TP53BP1: variants seen among roughly 807,000 people sequenced by gnomAD.
TP53BP1 encodes tumor protein p53 binding protein 1.
TP53BP1 carries 61 observed loss-of-function variants against 200.8 expected under a neutral mutation model. The observed-to-expected ratio is 0.30, with a 90% CI of 0.25 to 0.38. TP53BP1 has a LOEUF of 0.38. Ranked by LOEUF, TP53BP1 falls within the 10% of genes least tolerant of loss-of-function variation. TP53BP1 has a pLI of 1.00. For synonymous variants in TP53BP1, 822 were observed against 844.3 expected (o/e 0.97, Z 0.46); for missense variants, 2,144 against 2,371.9 (o/e 0.90, Z 2.00).
At position 43,420,516 on chromosome 15, in the gene TP53BP1, G is replaced by A. The variant is rs1357571163; in HGVS notation, c.4470C>T (p.Ser1490=). The change falls in exon 21 of 28, where the codon AGC becomes AGT. Residue 1490 remains serine (S), a synonymous_variant. Coordinates refer to ENST00000382044, the MANE Select transcript of TP53BP1 (RefSeq NM_001141980.3). The part of the protein sequence containing the change: ...DGLDASSPGN[S]FVGLRVVAKW... ...TGGCTACAACACGGAGCCCTACAAA[G>A]CTATTTCCTGGAGAGGAGGCATCTA... The A allele has an allele frequency of 3.7e-6, 6 of 1,614,054 alleles. No homozygotes were observed. The highest frequency in any genetic ancestry group is 5.1e-6 in the Non-Finnish European group (6 of 1,180,050).
At chr15:43,434,418 G>A (rs1424205890) in intron 16 of TP53BP1, among the ~76,000 whole-genome samples, 1 of 152,170 alleles carries the variant, frequency 6.6e-6, no homozygotes, top group Non-Finnish European at 1.5e-5. Context: ...GCCAGGACTC[G>A]ATTTTAGGAA....
At chr15:43,442,209 C>T (rs2045940823) in intron 14 of TP53BP1, among the ~76,000 whole-genome samples, 1 of 151,628 alleles carries the variant, frequency 6.6e-6, no homozygotes, top group African/African-American at 2.4e-5. Flanking sequence ...CCTCAGCCTC[C>T]CCAGCAGCTG....
At chr15:43,434,012 T>G (rs1370606997) in intron 16 of TP53BP1, among the ~76,000 whole-genome samples, 1 of 152,200 alleles carries the variant, frequency 6.6e-6, no homozygotes, top group Non-Finnish European at 1.5e-5. Context: ...TCTATATTGT[T>G]TAGCTCAGCC....
In TP53BP1 at chr15:43,457,129, C is replaced by A. The variant is rs2046317736; in HGVS notation, c.1479G>T (p.Glu493Asp). 10 of 1,613,966 alleles carry A rather than the reference C, an allele frequency of 6.2e-6. No individual in the cohort carries two copies. The African/African-American group carries it at 9.3e-5, about 15-fold the overall frequency. Residue 493 changes from glutamate to aspartate, a missense_variant, in exon 12 of 28, where the codon GAG becomes GAT. This residue lies in a region of TP53BP1 where 1,700 missense variants were observed against 1,710.3 expected (regional missense o/e 0.99). Transcript: ENST00000382044. ...GDMHSSSLTVECSKTSEIEPK... is the reference protein window; with the variant it reads ...GDMHSSSLTVDCSKTSEIEPK... Reference sequence around the variant, plus strand: ...GTTCAATCTCTGAAGTTTTAGAACACTCAACTGTCAAAGATGAACTATGCA... The same window carrying A: ...GTTCAATCTCTGAAGTTTTAGAACAATCAACTGTCAAAGATGAACTATGCA...
chr15:43,471,806 T>G (rs915067363), intron 10 of TP53BP1, among the ~76,000 whole-genome samples: 3 of 152,224 alleles, frequency 2.0e-5, no homozygotes, highest in Admixed American at 6.5e-5. Context: ...AGAAACTGTT[T>G]TAAGAATTAA....
At chr15:43,437,909 C>G (rs2045836448) in intron 16 of TP53BP1, among the ~76,000 whole-genome samples, 1 of 152,194 alleles carries the variant, frequency 6.6e-6, no homozygotes, top group Non-Finnish European at 1.5e-5. Flanking sequence ...GTTCTGAATG[C>G]TGAAATGTCC....
rs756337514 is a variant in TP53BP1 at position 43,409,631 on chromosome 15, C to T, written c.5400+16G>A. On this transcript the variant is annotated intron_variant, in intron 25 of 27. Coordinates refer to ENST00000382044, the MANE Select transcript of TP53BP1 (RefSeq NM_001141980.3). The stretch of plus-strand genomic sequence containing the variant: ...ATCATTGCCACTATATTAGGTTACA[C>T]AAAGAAACTCCTCACCTGGGCTTCA... 1.4e-6 allele frequency: 2 copies of T among 1,459,672 alleles called. No individual in the cohort carries two copies. Among genetic ancestry groups the T allele is most frequent in the Non-Finnish European group, 1.9e-6 (2 of 1,079,562 alleles). 90.4% of individuals were successfully genotyped at this position (1,459,672 alleles called of 1,614,324 possible).
rs2142979621 is a variant in TP53BP1 at position 43,416,569 on chromosome 15, C to G, written c.4682-153G>C. The G allele has an allele frequency of 1.7e-5, 11 of 634,222 alleles. No individual in the cohort carries two copies. The South Asian group carries it at 2.2e-4, about 12-fold the overall frequency. The allele number at this position is 634,222 out of a possible 1,614,324, so 39.3% of individuals were successfully genotyped here. On this transcript the variant is annotated intron_variant, in intron 21 of 27. Coordinates refer to ENST00000382044, the MANE Select transcript of TP53BP1 (RefSeq NM_001141980.3). ...CTTAACAAAATTCCAGTTGTCAATC[C>G]CAAACAGTAACACTTAGGATATATG...
chr15:43,481,390 C>G (rs962564255), intron 4 of TP53BP1, among the ~76,000 whole-genome samples: 5 of 150,072 alleles, frequency 3.3e-5, no homozygotes, highest in Non-Finnish European at 5.9e-5. Context: ...AGTAAAAAAT[C>G]TTAAAATACA....
At chr15:43,493,169 C>G (rs1029955686), upstream of TP53BP1, 1 of 1,533,138 alleles carries the variant, frequency 6.5e-7, no homozygotes, top group Non-Finnish European at 8.7e-7. Flanking sequence ...CCTTTCCCGT[C>G]ACGTCACACA....
chr15:43,408,156 G>A, intron 26 of TP53BP1, 68 bp from the exon 27 acceptor site: 2 of 1,496,864 alleles, frequency 1.3e-6, no homozygotes, highest in Non-Finnish European at 1.8e-6. Context: ...TTCTGCAAAG[G>A]GACTCATGTA....
rs563575510 is a variant in TP53BP1 at position 43,403,816 on chromosome 15, G to C, written c.*3567C>G. 6.3e-6 allele frequency: 10 copies of C among 1,587,530 alleles called. No individual in the cohort carries two copies. In the Admixed American group the frequency reaches 1.7e-4, roughly 26 times the overall value. ...CTCGTGAAGGTGCGTCTGCCTGGAA[G>C]TATGCAGCCTTGCCGAAAGGACAGA... On this transcript the variant is annotated 3_prime_UTR_variant, in exon 28 of 28. Transcript: ENST00000382044.
rs750268690 is a variant in TP53BP1, at chr15:43,456,558, G to A, written c.2050C>T (p.Leu684Phe). The A allele has an allele frequency of 6.2e-7, 1 of 1,613,182 alleles. No individual in the cohort carries two copies. The highest frequency in any genetic ancestry group is 8.5e-7 in the Non-Finnish European group (1 of 1,179,610). ...ACACTCTCCATATTTTCTTCTTTGAGTTCCTCTCCTTGACTTTCACAAGGT... is the reference window on the plus strand; with the variant it reads ...ACACTCTCCATATTTTCTTCTTTGAATTCCTCTCCTTGACTTTCACAAGGT... Reference protein sequence around the residue: ...ETPCESQGEELKEENMESVPL... With the variant: ...ETPCESQGEEFKEENMESVPL... The change falls in exon 12 of 28, where the codon CTC (leucine) becomes TTC (phenylalanine). Residue 684 changes from leucine (L) to phenylalanine (F), a missense_variant. Transcript: ENST00000382044.
At chr15:43,408,728 C>CTATGGAATTAA in intron 26 of TP53BP1, 169 bp downstream of exon 26, 1 of 648,326 alleles carries the variant, frequency 1.5e-6, no homozygotes. Flanking sequence ...GCCAATGTAA[C>CTATGGAATTAA]CTAGGGAAAT....
intron 9 of TP53BP1, 58 bp downstream of exon 9, chr15:43,475,507 T>A: frequency 6.3e-7 from 1 of 1,589,048 alleles, no homozygotes. Context: ...CTTTCAGCCT[T>A]AGCCTAAGAC....
chr15:43,492,237 TAA>T, intron 2 of TP53BP1, 45 bp downstream of exon 2: 6 of 1,313,064 alleles, frequency 4.6e-6, no homozygotes, highest in Non-Finnish European at 6.3e-6. Context: ...GTTTTCGGTT[TAA>T]AAAAAAAAAT....
At chr15:43,495,727 G>A (rs1265818944), upstream of TP53BP1, among the ~76,000 whole-genome samples, 1 of 150,798 alleles carries the variant, frequency 6.6e-6, no homozygotes, top group Non-Finnish European at 1.5e-5. Context: ...TGAGGCAGGA[G>A]AATGGCGTGA....
At chr15:43,408,288 G>A (rs117655500) in intron 26 of TP53BP1, 200 bp from the exon 27 acceptor site, 13,544 of 542,678 alleles carry the variant, frequency 0.025, 233 homozygotes, top group Non-Finnish European at 0.031. Flanking sequence ...GACCAGCCTG[G>A]GCAATGTGGT....
At chr15:43,436,327 C>A (rs1435067893) in intron 16 of TP53BP1, among the ~76,000 whole-genome samples, 1 of 152,136 alleles carries the variant, frequency 6.6e-6, no homozygotes, top group African/African-American at 2.4e-5. Flanking sequence ...AACATTATCA[C>A]ATTGTCTAAT....
Sources: allele counts gnomAD v4.1 joint callset (sites outside exome capture counted in the v4.1 genomes callset), GRCh38; gene constraint gnomAD v4.1.1; regional missense constraint gnomAD v4.1.1; transcripts MANE v1.5; gene names NCBI Gene and HGNC (gene_info 2026-07-23, HGNC 2026-07-21).